Variants in L3MBTL4 observed in about 807,000 individuals in gnomAD.
L3MBTL4 encodes the protein L3MBTL histone methyl-lysine binding protein 4.
L3MBTL4 carries 70 observed loss-of-function variants against 84.5 expected under a neutral mutation model. That is an observed-to-expected ratio of 0.83 (90% CI 0.68 to 1.01). L3MBTL4 has a LOEUF of 1.01. Among genes scored for constraint, L3MBTL4 ranks in the 50% least tolerant of loss-of-function variants. L3MBTL4 has a pLI of 0.00. For missense variants in L3MBTL4, 715 were observed against 754.8 expected, an observed-to-expected ratio of 0.95 and a Z score of 0.62; for synonymous variants, 274 against 259.8, an observed-to-expected ratio of 1.05 and a Z score of -0.52.
At chr18:6,069,435 T>G (rs959791197) in intron 16 of L3MBTL4, among the ~76,000 whole-genome samples, 7 of 151,136 alleles carry the variant, frequency 4.6e-5, no homozygotes, top group African/African-American at 7.3e-5. Flanking sequence ...AAAGTGTTGT[T>G]TTTTTTTTTC....
intron 16 of L3MBTL4, among the ~76,000 whole-genome samples, chr18:6,019,345 C>G (rs79087278): frequency 6.6e-6 from 1 of 151,998 alleles, no homozygotes; most frequent in Non-Finnish European, 1.5e-5. Flanking sequence ...AAGGACTGTC[C>G]CCTTGGTTCT....
intron 12 of L3MBTL4, among the ~76,000 whole-genome samples, chr18:6,201,190 T>C (rs2045634168): frequency 6.6e-6 from 1 of 152,180 alleles, no homozygotes; most frequent in African/African-American, 2.4e-5. Flanking sequence ...CATAAATACC[T>C]ATGATGAAAA....
intron 16 of L3MBTL4, 130 bp from the exon 17 acceptor site, chr18:5,969,692 G>T: frequency 1.2e-6 from 1 of 821,932 alleles, no homozygotes; most frequent in Non-Finnish European, 1.9e-6. Flanking sequence ...CGCGTCTTCT[G>T]ATCGTACAGC....
At chr18:6,383,043 C>G (rs1387678567) in intron 1 of L3MBTL4, among the ~76,000 whole-genome samples, 1 of 152,104 alleles carries the variant, frequency 6.6e-6, no homozygotes, top group African/African-American at 2.4e-5. Flanking sequence ...AGTCTGGCCA[C>G]AGCGGCCTTG....
chr18:6,112,881 T>C (rs758821935), intron 14 of L3MBTL4, among the ~76,000 whole-genome samples: 9 of 152,326 alleles, frequency 5.9e-5, no homozygotes, highest in Non-Finnish European at 1.3e-4. Context: ...AGATGCATGA[T>C]TGATACAATA....
chr18:6,378,297 T>C (rs2054454983), intron 1 of L3MBTL4, among the ~76,000 whole-genome samples: 1 of 152,242 alleles, frequency 6.6e-6, no homozygotes, highest in Non-Finnish European at 1.5e-5. Flanking sequence ...GAGTTTATTT[T>C]GCTGTGCAGA....
At chr18:5,993,068 A>G (rs1038976417) in intron 16 of L3MBTL4, among the ~76,000 whole-genome samples, 5 of 152,202 alleles carry the variant, frequency 3.3e-5, no homozygotes, top group Non-Finnish European at 7.3e-5. Context: ...TTATGCAGCC[A>G]GCTATGTCTG....
intron 1 of L3MBTL4, among the ~76,000 whole-genome samples, chr18:6,382,422 G>A (rs1475343186): frequency 6.6e-6 from 1 of 152,136 alleles, no homozygotes; most frequent in African/African-American, 2.4e-5. Flanking sequence ...CTAGTTTTTG[G>A]AATTTTCAGC....
chr18:6,060,192 T>C (rs572119482), intron 16 of L3MBTL4, among the ~76,000 whole-genome samples: 12 of 152,190 alleles, frequency 7.9e-5, no homozygotes, highest in Non-Finnish European at 1.6e-4. Context: ...TTTTTCTTAA[T>C]TGTCAGAATA....
intron 1 of L3MBTL4, among the ~76,000 whole-genome samples, chr18:6,358,968 C>T (rs925673236): frequency 1.3e-5 from 2 of 152,164 alleles, no homozygotes; most frequent in Non-Finnish European, 2.9e-5. Context: ...AAATGTCTTG[C>T]AAAGAATCAC....
At position 6,298,644 on chromosome 18, in the gene L3MBTL4, G is replaced by A. The variant is rs552939240; in HGVS notation, c.127+3259C>T. On this transcript the variant is annotated intron_variant, in intron 4 of 18. Coordinates refer to ENST00000317931, the MANE Select transcript of L3MBTL4 (RefSeq NM_001330559.2). ...TCCCAGCACTTTGGGAGGCCAAGGCGGGTGGATCACCTGAGGTCAGGAGTT... is the reference window on the plus strand; with the variant it reads ...TCCCAGCACTTTGGGAGGCCAAGGCAGGTGGATCACCTGAGGTCAGGAGTT... 5.3e-5 allele frequency among the ~76,000 whole-genome samples: 8 copies of A among 152,236 alleles called. No homozygotes were observed. In the South Asian group the frequency reaches 6.2e-4, roughly 12 times the overall value.
intron 1 of L3MBTL4, among the ~76,000 whole-genome samples, chr18:6,398,882 C>T (rs1057315643): frequency 1.3e-5 from 2 of 152,154 alleles, no homozygotes; most frequent in African/African-American, 4.8e-5. Context: ...ACTTTACCTA[C>T]TCAGGGGATC....
intron 13 of L3MBTL4, among the ~76,000 whole-genome samples, chr18:6,159,939 A>T (rs1333503872): frequency 6.6e-6 from 1 of 152,230 alleles, no homozygotes; most frequent in Non-Finnish European, 1.5e-5. Flanking sequence ...GCATTTCTAC[A>T]TAATCAAATA....
chr18:6,122,587 T>C (rs1297354726), intron 14 of L3MBTL4, among the ~76,000 whole-genome samples: 4 of 152,228 alleles, frequency 2.6e-5, no homozygotes, highest in African/African-American at 9.6e-5. Context: ...ACCATGATTG[T>C]GAGGCCTCCC....
chr18:6,055,971 T>C (rs1049248657), intron 16 of L3MBTL4, among the ~76,000 whole-genome samples: 2 of 152,176 alleles, frequency 1.3e-5, no homozygotes, highest in Non-Finnish European at 2.9e-5. Flanking sequence ...TGCAAGTGGC[T>C]ATAAGGCGAT....
At chr18:5,974,191 A>T (rs2052786428) in intron 16 of L3MBTL4, among the ~76,000 whole-genome samples, 1 of 152,204 alleles carries the variant, frequency 6.6e-6, no homozygotes, top group African/African-American at 2.4e-5. Flanking sequence ...GGCCTTTAAA[A>T]AAATATATGA....
At chr18:6,003,282 C>A (rs7234992) in intron 16 of L3MBTL4, among the ~76,000 whole-genome samples, 1 of 150,252 alleles carries the variant, frequency 6.7e-6, no homozygotes, top group Non-Finnish European at 1.5e-5. Flanking sequence ...ACAAAATAAG[C>A]TTTAAATAAA....
At chr18:6,195,527 C>CCCTACAAGCCA (rs1252333680) in intron 12 of L3MBTL4, among the ~76,000 whole-genome samples, 1 of 152,126 alleles carries the variant, frequency 6.6e-6, no homozygotes, top group Non-Finnish European at 1.5e-5. Context: ...GATAGACTGG[C>CCCTACAAGCCA]ATAAGTTATT....
At chr18:6,338,074 C>CA (rs2143403306) in intron 1 of L3MBTL4, among the ~76,000 whole-genome samples, 2 of 151,394 alleles carry the variant, frequency 1.3e-5, no homozygotes, top group East Asian at 3.9e-4. Context: ...AATATATTAT[C>CA]AAAAAATAAA....
Sources: allele counts gnomAD v4.1 joint callset (sites outside exome capture counted in the v4.1 genomes callset), GRCh38; gene constraint gnomAD v4.1.1; transcripts MANE v1.5; gene names NCBI Gene and HGNC (gene_info 2026-07-23, HGNC 2026-07-21).